Variants in CNTRL observed in about 807,000 individuals in gnomAD.
CNTRL encodes the protein centriolin, also known as 110 kDa centrosomal protein.
Under a neutral mutation model 303.7 loss-of-function variants are expected in CNTRL, and 233 were observed. The observed-to-expected ratio is 0.77, with a 90% confidence interval of 0.69 to 0.86. The LOEUF is 0.86. CNTRL is among the 40% of genes least tolerant of loss of function. The pLI is 0.00. For missense variants in CNTRL, 2,524 were observed against 2,650.6 expected (o/e 0.95, Z 1.05); for synonymous variants, 900 against 922.2 (o/e 0.98, Z 0.44).
chr9:121,109,246 T>C (rs897151124), intron 8 of CNTRL, among the ~76,000 whole-genome samples: 1 of 152,154 alleles, frequency 6.6e-6, no homozygotes, highest in Non-Finnish European at 1.5e-5. Context: ...AGAAAAAATA[T>C]CTGTACATGT....
chr9:121,093,092 C>T (rs1399953556), intron 4 of CNTRL, among the ~76,000 whole-genome samples: 1 of 151,720 alleles, frequency 6.6e-6, no homozygotes, highest in African/African-American at 2.4e-5. Context: ...CAGGCATGAG[C>T]CACCGCGCCC....
In CNTRL at chr9:121,175,042, A is replaced by C; in HGVS notation, c.6772A>C (p.Lys2258Gln). The C allele has an allele frequency of 6.2e-7, 1 of 1,613,784 alleles. No homozygotes were observed. Among genetic ancestry groups the C allele is most frequent in the East Asian group, 2.2e-5 (1 of 44,850 alleles). ...GGCCCAACTCCGACACTGTATGTCC[A>C]AGCAAGCAGAAGTATTAATTAAAGG... ...LKAQLRHCMS[K>Q]QAEVLIKGKR... The change falls in exon 43 of 44, where the codon AAG (lysine) becomes CAG (glutamine). Residue 2258 changes from lysine to glutamine, a missense_variant. Lys to Gln is a moderately conservative substitution (Grantham distance 53). Coordinates refer to ENST00000373855, the MANE Select transcript of CNTRL (RefSeq NM_007018.6).
chr9:121,088,380 A>T lies in CNTRL; in HGVS notation c.54A>T (p.Ser18=), dbSNP rs762340273. ...TCTCCAAAGCAAAGATACCATCATC[A>T]TCTCACTCTCCTATCCCATCATCTA... is the stretch of plus-strand genomic sequence containing the variant. ...KIFSKAKIPS[S]SHSPIPSSMS... is the part of the protein sequence containing the mutation. Residue 18 remains serine, a synonymous_variant, in exon 3 of 44, where the codon TCA becomes TCT. Transcript: ENST00000373855. 3 of 1,613,690 alleles carry T rather than the reference A, an allele frequency of 1.9e-6. No individual in the cohort carries two copies. The African/African-American group carries it at 4.0e-5, about 22-fold the overall frequency.
At chr9:121,165,871 G>A (rs1031089647) in intron 35 of CNTRL, among the ~76,000 whole-genome samples, 4 of 152,170 alleles carry the variant, frequency 2.6e-5, no homozygotes, top group Admixed American at 1.3e-4. Context: ...AGTATTATCT[G>A]TAATTTTTTC....
chr9:121,101,900 C>A (rs909326819), intron 7 of CNTRL, among the ~76,000 whole-genome samples: 11 of 152,128 alleles, frequency 7.2e-5, no homozygotes, highest in Non-Finnish European at 1.6e-4. Context: ...GAAATTGATG[C>A]AATAATTAAG....
chr9:121,123,423 AAAACAACAAAAAGTAAAAAC>A (rs1432373417), intron 12 of CNTRL, among the ~76,000 whole-genome samples: 1 of 152,164 alleles, frequency 6.6e-6, no homozygotes, highest in African/African-American at 2.4e-5. Context: ...TGTACTAAAA[AAAACAACAAAAAGTAAAAAC>A]AAACAACAAC....
chr9:121,165,786 T>C (rs2053066000), intron 35 of CNTRL, among the ~76,000 whole-genome samples: 1 of 152,216 alleles, frequency 6.6e-6, no homozygotes, highest in African/African-American at 2.4e-5. Flanking sequence ...TATTCCCAAA[T>C]TGCCTTCCTG....
chr9:121,128,255 C>G (rs1319191152), intron 14 of CNTRL, among the ~76,000 whole-genome samples: 1 of 152,168 alleles, frequency 6.6e-6, no homozygotes, highest in African/African-American at 2.4e-5. Context: ...GTTTACACTC[C>G]CACCAACAGT....
At chr9:121,092,674 A>T (rs186512925) in intron 4 of CNTRL, among the ~76,000 whole-genome samples, 3 of 29,738 alleles carry the variant, frequency 1.0e-4, no homozygotes, top group African/African-American at 2.1e-4. Flanking sequence ...CTATATATAT[A>T]ATATATATCT....
chr9:121,157,749 G>A lies in CNTRL; in HGVS notation c.4506G>A (p.Gln1502=), dbSNP rs1406046997. Residue 1502 remains glutamine, a synonymous_variant, in exon 29 of 44, where the codon CAG becomes CAA. Coordinates refer to ENST00000373855, the MANE Select transcript of CNTRL (RefSeq NM_007018.6). ...VKADQQLRSL[Q]ADAKDLEQHK... is the part of the protein sequence containing the mutation. ...AAGCAATGTGCTTTAGATCGCTCCA[G>A]GCTGATGCAAAGGATTTGGAGCAGC... The A allele has an allele frequency of 1.2e-6, 2 of 1,614,028 alleles. No individual in the cohort carries two copies. The highest frequency in any genetic ancestry group is 3.3e-5 in the Admixed American group (2 of 59,982).
Position 121,093,854 on chromosome 9 carries a change from G to A in CNTRL, c.349-1034G>A, listed in dbSNP as rs577918517. On this transcript the variant is annotated intron_variant, in intron 4 of 43. Coordinates refer to ENST00000373855, the MANE Select transcript of CNTRL (RefSeq NM_007018.6). Reference sequence around the variant, plus strand: ...AGAGGTTGAATTTGCAAGGGCATTGGGGGAGGAGGTGAGATCATGCAAGAG... The same window carrying A: ...AGAGGTTGAATTTGCAAGGGCATTGAGGGAGGAGGTGAGATCATGCAAGAG... 2.0e-5 allele frequency among the ~76,000 whole-genome samples: 3 copies of A among 152,280 alleles called. No homozygotes were observed. In the East Asian group the frequency reaches 5.8e-4, roughly 29 times the overall value.
At chr9:121,077,233 C>T (rs1564178941) in intron 1 of CNTRL, among the ~76,000 whole-genome samples, 2 of 151,148 alleles carry the variant, frequency 1.3e-5, no homozygotes, top group East Asian at 3.9e-4. Context: ...ACTTTATTTG[C>T]TTTTTTTTTC....
At chr9:121,092,078 TATATAA>T (rs1256853111) in intron 4 of CNTRL, among the ~76,000 whole-genome samples, 3 of 146,428 alleles carry the variant, frequency 2.0e-5, no homozygotes, top group Admixed American at 1.4e-4. Flanking sequence ...TATATATTTA[TATATAA>T]ATATAAATAT....
intron 7 of CNTRL, among the ~76,000 whole-genome samples, chr9:121,102,492 C>G (rs1193839134): frequency 6.6e-6 from 1 of 152,188 alleles, no homozygotes. Flanking sequence ...TGGCACAAGA[C>G]AGGGATGCCC....
chr9:121,140,551 G>A (rs2051447378), intron 16 of CNTRL, 90 bp from the exon 17 acceptor site: 2 of 1,151,922 alleles, frequency 1.7e-6, no homozygotes, highest in Admixed American at 3.1e-5. Flanking sequence ...TCTGAATTTA[G>A]TTCTGTGGTC....
At chr9:121,081,162 G>A (rs1190175094) in intron 2 of CNTRL, among the ~76,000 whole-genome samples, 4 of 152,174 alleles carry the variant, frequency 2.6e-5, no homozygotes, top group Non-Finnish European at 5.9e-5. Flanking sequence ...ATTTCTTTAT[G>A]GCCAGCTGTT....
intron 43 of CNTRL, among the ~76,000 whole-genome samples, chr9:121,176,414 A>G (rs1322313888): frequency 6.6e-6 from 1 of 152,200 alleles, no homozygotes; most frequent in African/African-American, 2.4e-5. Context: ...CCATCTGAAT[A>G]TGATTATCTT....
chr9:121,096,437 A>C lies in CNTRL; in HGVS notation c.495A>C (p.Ile165=), dbSNP rs1371596251. ...TGCTTTCCAGCAAAATTGAAGGCAT[A>C]GAAAATATGTGTAATCTGCAAAAGC... ...SYNKISKIEG[I]ENMCNLQKLN... Residue 165 remains isoleucine (I), a synonymous_variant, in exon 6 of 44, where the codon ATA becomes ATC. Transcript: ENST00000373855. 6.5e-7 allele frequency: 1 copy of C among 1,543,360 alleles called. No individual in the cohort carries two copies.
chr9:121,122,282 T>C (rs1213715899), intron 12 of CNTRL: 7 of 475,362 alleles, frequency 1.5e-5, no homozygotes, highest in Non-Finnish European at 1.9e-5. Context: ...TTCAGAAAGA[T>C]TTCAAATGGG....
Sources: gnomAD v4.1 joint callset for allele counts (sites outside exome capture counted in the v4.1 genomes callset) on GRCh38, gnomAD v4.1.1 for gene constraint, MANE v1.5 for transcripts, NCBI Gene and HGNC (gene_info 2026-07-23, HGNC 2026-07-21) for gene names.